The following ADGRG6 variants were observed in gnomAD, a reference collection of about 807,000 sequenced individuals.
ADGRG6 encodes adhesion G protein-coupled receptor G6, also known as G-protein coupled receptor 126.
In ADGRG6, 84 loss-of-function variants were observed where a neutral mutation model predicts 142.4. The ratio of observed to expected loss-of-function variants is 0.59; its 90% CI spans 0.49 to 0.71. The LOEUF (loss-of-function observed/expected upper bound fraction) is 0.71. Ranked by LOEUF, ADGRG6 falls within the 30% of genes least tolerant of loss-of-function variation. The probability of loss-of-function intolerance (pLI) is 0.00; values close to 1 mark genes in which losing one functional copy is unlikely to be tolerated. For missense variants in ADGRG6, 1,367 were observed against 1,466.6 expected, an observed-to-expected ratio of 0.93 and a Z score of 1.11; for synonymous variants, 521 against 520.5, an observed-to-expected ratio of 1.00 and a Z score of -0.01.
chr6:142,418,295 TAAA>T (rs541243272), intron 21 of ADGRG6, among the ~76,000 whole-genome samples: 4 of 79,790 alleles, frequency 5.0e-5, no homozygotes, highest in Admixed American at 3.0e-4. Flanking sequence ...AGACTCCATC[TAAA>T]AAAAAAAAAA....
chr6:142,338,017 G>GTTTTTTGTTTTTTTT (rs1491411517), intron 2 of ADGRG6, among the ~76,000 whole-genome samples: 1 of 35,392 alleles, frequency 2.8e-5, no homozygotes, highest in African/African-American at 1.3e-4. Flanking sequence ...TTGTATCTTT[G>GTTTTTTGTTTTTTTT]TTTTTTTTTT....
At chr6:142,332,293 C>T (rs1779099659) in intron 2 of ADGRG6, among the ~76,000 whole-genome samples, 1 of 152,026 alleles carries the variant, frequency 6.6e-6, no homozygotes, top group Admixed American at 6.6e-5. Context: ...GGTAGAAAGT[C>T]CTAGCATATT....
At chr6:142,310,843 A>G (rs1375319968) in intron 2 of ADGRG6, among the ~76,000 whole-genome samples, 1 of 151,898 alleles carries the variant, frequency 6.6e-6, no homozygotes, top group Non-Finnish European at 1.5e-5. Context: ...AATTAAAGAT[A>G]GGTTTTATGA....
chr6:142,349,537 G>C (rs1373029258), intron 2 of ADGRG6, among the ~76,000 whole-genome samples: 1 of 152,220 alleles, frequency 6.6e-6, no homozygotes. Context: ...CGTAGTCTGA[G>C]GGAAACTCAA....
At chr6:142,339,408 A>T (rs1316644692) in intron 2 of ADGRG6, among the ~76,000 whole-genome samples, 2 of 152,186 alleles carry the variant, frequency 1.3e-5, no homozygotes, top group Middle Eastern at 3.2e-3. Context: ...ACATGCTTCC[A>T]TCAGGGCTAA....
intron 2 of ADGRG6, among the ~76,000 whole-genome samples, chr6:142,331,337 G>A (rs1010468052): frequency 6.6e-6 from 1 of 152,024 alleles, no homozygotes; most frequent in Admixed American, 6.6e-5. Flanking sequence ...AGTGAAAAGA[G>A]CTGTGTCTTT....
chr6:142,331,181 A>T (rs1233873038), intron 2 of ADGRG6, among the ~76,000 whole-genome samples: 4 of 151,328 alleles, frequency 2.6e-5, no homozygotes, highest in Non-Finnish European at 5.9e-5. Context: ...GTTGTCCTGG[A>T]CTTTTTAGTG....
chr6:142,364,355 T>C (rs1261179848), intron 2 of ADGRG6, among the ~76,000 whole-genome samples: 1 of 152,186 alleles, frequency 6.6e-6, no homozygotes, highest in Non-Finnish European at 1.5e-5. Flanking sequence ...TATGGAAGAA[T>C]GTATCAAATG....
At chr6:142,426,745 C>G (rs1290038347) in intron 22 of ADGRG6, among the ~76,000 whole-genome samples, 1 of 152,198 alleles carries the variant, frequency 6.6e-6, no homozygotes, top group East Asian at 1.9e-4. Flanking sequence ...TCTGGGCATC[C>G]AAGCATTTCA....
chr6:142,405,615 C>T, intron 14 of ADGRG6, 73 bp from the exon 15 acceptor site: 1 of 1,228,188 alleles, frequency 8.1e-7, no homozygotes, highest in Non-Finnish European at 1.2e-6. Flanking sequence ...ACTCGCCTAA[C>T]TATACATGTG....
intron 8 of ADGRG6, 44 bp downstream of exon 8, chr6:142,393,044 A>G (rs759015169): frequency 6.8e-6 from 7 of 1,024,878 alleles, no homozygotes; most frequent in Non-Finnish European, 9.2e-6. Context: ...GTAGTGTCTA[A>G]TTTAATGCTA....
chr6:142,343,520 A>G (rs1236772696), intron 2 of ADGRG6, among the ~76,000 whole-genome samples: 3 of 151,890 alleles, frequency 2.0e-5, no homozygotes, highest in Non-Finnish European at 4.4e-5. Flanking sequence ...AAAAAGATAA[A>G]CAGTATTTAG....
At chr6:142,339,610 C>A (rs1241120228) in intron 2 of ADGRG6, among the ~76,000 whole-genome samples, 2 of 152,114 alleles carry the variant, frequency 1.3e-5, no homozygotes, top group Non-Finnish European at 2.9e-5. Context: ...TTTGTGGTGT[C>A]AAAGCTAGGT....
intron 15 of ADGRG6, among the ~76,000 whole-genome samples, chr6:142,407,347 A>G (rs1258937261): frequency 6.6e-6 from 1 of 152,022 alleles, no homozygotes; most frequent in East Asian, 1.9e-4. Context: ...CTAATAGCTG[A>G]GTTTAATAAT....
chr6:142,338,017 G>GTTTTTTTTTTGTTTTTTTTTTTTTTT (rs1779412756), intron 2 of ADGRG6, among the ~76,000 whole-genome samples: 1 of 35,392 alleles, frequency 2.8e-5, no homozygotes. Context: ...TTGTATCTTT[G>GTTTTTTTTTTGTTTTTTTTTTTTTTT]TTTTTTTTTT....
Position 142,370,181 on chromosome 6 carries a change from T to C in ADGRG6, c.457T>C (p.Leu153=), listed in dbSNP as rs1478993538. 1 of 1,601,358 alleles carries C rather than the reference T, an allele frequency of 6.2e-7. No homozygotes were observed. Among genetic ancestry groups the C allele is most frequent in the Non-Finnish European group, 8.5e-7 (1 of 1,169,628 alleles). The part of the protein sequence containing the change: ...NASYIRVAVS[L]RNQKVILPQT... ...ATGTTTTGTCCTAGTTGCCGTGTCC[T>C]TAAGGAATCAAAAGGTCATTTTACC... Residue 153 remains leucine (L), a synonymous_variant, in exon 4 of 25, where the codon TTA becomes CTA. Transcript: ENST00000367609.
At chr6:142,320,601 C>T (rs541448624) in intron 2 of ADGRG6, among the ~76,000 whole-genome samples, 13 of 152,142 alleles carry the variant, frequency 8.5e-5, no homozygotes, top group Admixed American at 6.6e-4. Flanking sequence ...ACAGTTAGTA[C>T]ACATAGTGAA....
intron 2 of ADGRG6, among the ~76,000 whole-genome samples, chr6:142,311,000 G>T (rs1283418103): frequency 6.6e-6 from 1 of 151,816 alleles, no homozygotes; most frequent in Non-Finnish European, 1.5e-5. Flanking sequence ...AAGGCTTCTT[G>T]AGACCACGGC....
intron 2 of ADGRG6, among the ~76,000 whole-genome samples, chr6:142,365,936 TAATA>T (rs1287218348): frequency 1.3e-5 from 2 of 152,250 alleles, no homozygotes; most frequent in Non-Finnish European, 2.9e-5. Flanking sequence ...GGGAGGGATA[TAATA>T]AATTTAGTTA....
Sources: allele counts gnomAD v4.1 joint callset (sites outside exome capture counted in the v4.1 genomes callset), GRCh38; gene constraint gnomAD v4.1.1; transcripts MANE v1.5; gene names NCBI Gene and HGNC (gene_info 2026-07-23, HGNC 2026-07-21).